The following GRK1 variants were observed in gnomAD, a reference collection of about 807,000 sequenced individuals.
GRK1 encodes the protein G protein-coupled receptor kinase 1, also known as rhodopsin kinase GRK1.
Under a neutral mutation model 41.7 loss-of-function variants are expected in GRK1, and 28 were observed. The ratio of observed to expected loss-of-function variants is 0.67; its 90% CI spans 0.50 to 0.92. The LOEUF is 0.92. Among genes scored for constraint, GRK1 ranks in the 40% least tolerant of loss-of-function variants. The pLI is 0.00. For synonymous variants in GRK1, 327 were observed against 286.7 expected, an observed-to-expected ratio of 1.14 and a Z score of -1.42; for missense variants, 703 against 671.2, an observed-to-expected ratio of 1.05 and a Z score of -0.52.
chr13:113,652,314 G>A, the GRK1 span, among the ~76,000 whole-genome samples: 1 of 152,230 alleles, frequency 6.6e-6, no homozygotes, highest in East Asian at 1.9e-4. Context: ...AGGTGTAGAG[G>A]GCACAAGCCT....
In GRK1 at chr13:113,671,757, G is replaced by A. The variant is rs2049859690; in HGVS notation, c.985+101G>A. The A allele has an allele frequency of 1.5e-6, 1 of 687,306 alleles. No homozygotes were observed. Among genetic ancestry groups the A allele is most frequent in the African/African-American group, 1.8e-5 (1 of 56,842 alleles). 42.6% of individuals were successfully genotyped at this position (687,306 alleles called of 1,614,324 possible). A position where few individuals can be genotyped will look rare whatever the true frequency, so the allele number is the denominator to read the frequency against. Reference sequence around the variant, plus strand: ...CAACCTCACGAGGGCTGACGGCTGTGTGGACGGTGGGGGTTCATGAGGGCT... The same window carrying A: ...CAACCTCACGAGGGCTGACGGCTGTATGGACGGTGGGGGTTCATGAGGGCT... On this transcript the variant is annotated intron_variant, in intron 3 of 6. Transcript: ENST00000335678. This position sits in a 1 kb window ranked among gnomAD's most constrained non-coding sequence, Gnocchi z 4.1.
intron 4 of GRK1, among the ~76,000 whole-genome samples, chr13:113,727,757 G>A (rs1424086406): frequency 8.1e-5 from 7 of 86,592 alleles, no homozygotes; most frequent in East Asian, 4.1e-4. Context: ...GACCCATGGC[G>A]ATGAGGAGTA....
intron 4 of GRK1, among the ~76,000 whole-genome samples, chr13:113,728,742 C>A (rs1477230014): frequency 1.3e-5 from 2 of 152,200 alleles, no homozygotes; most frequent in Non-Finnish European, 2.9e-5. Context: ...GGGAAGCTTG[C>A]TCACAAGGAG....
chr13:113,660,780 A>T, the GRK1 span, among the ~76,000 whole-genome samples: 1 of 152,274 alleles, frequency 6.6e-6, no homozygotes, highest in Non-Finnish European at 1.5e-5. Flanking sequence ...CAAAAATTTT[A>T]AAGCAGCCAT....
chr13:113,667,241 C>A lies in GRK1; in HGVS notation c.-146C>A. 1.2e-6 allele frequency: 1 copy of A among 803,664 alleles called. No homozygotes were observed. The highest frequency in any genetic ancestry group is 1.9e-6 in the Non-Finnish European group (1 of 527,168). 49.8% of individuals were successfully genotyped at this position (803,664 alleles called of 1,614,324 possible). Reference sequence around the variant, plus strand: ...CCCAGTGGTCCCCAGGAACCCTCGACAGGGCCAGGGCGTCTCTCTCGTCCA... The same window carrying A: ...CCCAGTGGTCCCCAGGAACCCTCGAAAGGGCCAGGGCGTCTCTCTCGTCCA... On this transcript the variant is annotated 5_prime_UTR_variant, in exon 1 of 7. Transcript: ENST00000335678. This position sits in a 1 kb window ranked among gnomAD's most constrained non-coding sequence, Gnocchi z 7.5.
chr13:113,724,390 C>T (rs906864902), intron 4 of GRK1, among the ~76,000 whole-genome samples: 3 of 152,192 alleles, frequency 2.0e-5, no homozygotes, highest in Non-Finnish European at 4.4e-5. Context: ...GTCGCTTCCC[C>T]GTGGTTGTTT....
chr13:113,654,802 C>T, the GRK1 span: 4 of 1,612,654 alleles, frequency 2.5e-6, no homozygotes, highest in South Asian at 4.4e-5. Flanking sequence ...GGGCAACATC[C>T]CGGGCGCTTA....
rs375261749 is a variant in GRK1, at chr13:113,667,816, G to T, written c.430G>T (p.Gly144Trp). Reference protein sequence around the residue: ...FKEGPVEIQDGLFQPLLQATL... With the variant: ...FKEGPVEIQDWLFQPLLQATL... ...GGAGGGGCCTGTGGAGATCCAGGAC[G>T]GGCTCTTCCAGCCCCTGCTGCAGGC... is the stretch of plus-strand genomic sequence containing the variant. Residue 144 changes from glycine (G) to tryptophan (W), a missense_variant, in exon 1 of 7, where the codon GGG (glycine) becomes TGG (tryptophan). Physicochemically the swap from Gly to Trp is radical, Grantham distance 184 (BLOSUM62 -2). Transcript: ENST00000335678. This position sits in a 1 kb window ranked among gnomAD's most constrained non-coding sequence, Gnocchi z 7.5. The T allele has an allele frequency of 2.5e-5, 40 of 1,600,858 alleles. No homozygotes were observed. The highest frequency in any genetic ancestry group is 3.4e-5 in the Non-Finnish European group (40 of 1,171,948).
At position 113,733,893 on chromosome 13, in the gene GRK1, G is replaced by A. The variant is rs1566700249; in HGVS notation, c.1396+808G>A. On this transcript the variant is annotated intron_variant, in intron 6 of 6. Coordinates refer to ENST00000335678, the MANE Select transcript of GRK1 (RefSeq NM_002929.3). The stretch of plus-strand genomic sequence containing the variant: ...TGCGTGTGTGCATACGTGTGTGCGT[G>A]TGTGTATGTGTGCATACAGTGTGCG... Among the ~76,000 whole-genome samples the A allele has an allele frequency of 3.6e-4, 24 of 65,898 alleles. 1 individual carries two copies. Among genetic ancestry groups the A allele is most frequent in the African/African-American group, 1.3e-3 (22 of 16,540 alleles). 43.2% of individuals were successfully genotyped at this position (65,898 alleles called of 152,430 possible).
chr13:113,734,692 G>A (rs2049989802), intron 6 of GRK1: 1 of 177,882 alleles, frequency 5.6e-6, no homozygotes, highest in African/African-American at 2.4e-5. Context: ...AGTGCGCAGG[G>A]GAGGCCCTGG....
the GRK1 span, among the ~76,000 whole-genome samples, chr13:113,651,928 C>T: frequency 6.6e-6 from 1 of 152,064 alleles, no homozygotes; most frequent in Non-Finnish European, 1.5e-5. Context: ...AGAGCCACAG[C>T]CCTCCCCCCA....
At chr13:113,650,585 G>A in the GRK1 span, 8 of 1,135,336 alleles carry the variant, frequency 7.0e-6, no homozygotes, top group Non-Finnish European at 1.0e-5. The surrounding 1 kb of genome is among the most constrained non-coding windows in gnomAD (Gnocchi z 5.0). Flanking sequence ...TTGTGTGCGT[G>A]TGTGCACACA....
At position 113,731,273 on chromosome 13, in the gene GRK1, A is replaced by G. The variant is rs1036570567; in HGVS notation, c.1124A>G (p.Tyr375Cys). The change falls in exon 5 of 7, where the codon TAC (tyrosine) becomes TGC (cysteine). Residue 375 changes from tyrosine to cysteine, a missense_variant. Tyr to Cys is a radical substitution (Grantham distance 194). Transcript: ENST00000335678. The surrounding 1 kb of genome is among the most constrained non-coding windows in gnomAD (Gnocchi z 5.6). The part of the protein sequence containing the change: ...QGEEYDFSVD[Y>C]FALGVTLYEM... ...GAGGAGTACGACTTCTCCGTGGACT[A>G]CTTTGCCCTGGGGGTCACCCTGTAT... The G allele has an allele frequency of 6.5e-7, 1 of 1,537,036 alleles. No individual in the cohort carries two copies. The highest frequency in any genetic ancestry group is 8.7e-7 in the Non-Finnish European group (1 of 1,146,816).
chr13:113,733,652 C>CGT (rs1315693149), intron 6 of GRK1, among the ~76,000 whole-genome samples: 8 of 79,582 alleles, frequency 1.0e-4, no homozygotes, highest in East Asian at 4.2e-4. Flanking sequence ...TGTGTGCATA[C>CGT]GTGTGTGTGC....
intron 1 of GRK1, among the ~76,000 whole-genome samples, chr13:113,669,470 G>GT (rs2049841631): frequency 6.6e-6 from 1 of 152,236 alleles, no homozygotes; most frequent in Non-Finnish European, 1.5e-5. Context: ...GAAGTCCCCT[G>GT]TATGTGAAGG....
At position 113,667,662 on chromosome 13, in the gene GRK1, C is replaced by T. The variant is rs373170219; in HGVS notation, c.276C>T (p.Ile92=). ...HLPALELWKD[I]EDYDTADNDL... ...CGGCCCTGGAGCTCTGGAAAGACATCGAGGACTATGACACGGCAGACAATG... is the reference window on the plus strand; with the variant it reads ...CGGCCCTGGAGCTCTGGAAAGACATTGAGGACTATGACACGGCAGACAATG... Residue 92 remains isoleucine (I), a synonymous_variant, in exon 1 of 7, where the codon ATC becomes ATT. Coordinates refer to ENST00000335678, the MANE Select transcript of GRK1 (RefSeq NM_002929.3). This position sits in a 1 kb window ranked among gnomAD's most constrained non-coding sequence, Gnocchi z 7.5. 9 of 1,613,574 alleles carry T rather than the reference C, an allele frequency of 5.6e-6. No homozygotes were observed. In the East Asian group the frequency reaches 1.1e-4, roughly 20 times the overall value.
chr13:113,660,743 G>C, the GRK1 span, among the ~76,000 whole-genome samples: 18 of 152,318 alleles, frequency 1.2e-4, no homozygotes, highest in East Asian at 3.5e-3. Context: ...CCAACACCAA[G>C]GTGACAGAGA....
the GRK1 span, chr13:113,651,676 A>G: frequency 1.6e-5 from 25 of 1,612,812 alleles, no homozygotes; most frequent in Non-Finnish European, 2.0e-5. Flanking sequence ...CTCACCAGGA[A>G]GGCGCAGTCC....
chr13:113,723,940 G>A (rs897590291), intron 4 of GRK1, among the ~76,000 whole-genome samples: 2 of 151,492 alleles, frequency 1.3e-5, no homozygotes, highest in Non-Finnish European at 2.9e-5. Context: ...ATGTGTATCC[G>A]TGTGCCTGTG....
Sources: allele counts gnomAD v4.1 joint callset (sites outside exome capture counted in the v4.1 genomes callset), GRCh38; gene constraint gnomAD v4.1.1; non-coding constraint Gnocchi (gnomAD v3.1); transcripts MANE v1.5; gene names NCBI Gene and HGNC (gene_info 2026-07-23, HGNC 2026-07-21).